The following FAM193B variants were observed in gnomAD, a reference collection of about 807,000 sequenced individuals.
FAM193B encodes the protein family with sequence similarity 193 member B.
In FAM193B, 27 loss-of-function variants were observed where a neutral mutation model predicts 70.7. The ratio of observed to expected loss-of-function variants is 0.38; its 90% CI spans 0.28 to 0.53. The LOEUF is 0.53. FAM193B is among the 20% of genes least tolerant of loss of function. FAM193B has a pLI of 0.81. For missense variants in FAM193B, 1,022 were observed against 1,072.5 expected, an observed-to-expected ratio of 0.95 and a Z score of 0.66; for synonymous variants, 448 against 436.0, an observed-to-expected ratio of 1.03 and a Z score of -0.34.
At chr5:177,540,254 C>G (rs1764686973) in intron 1 of FAM193B, among the ~76,000 whole-genome samples, 1 of 150,042 alleles carries the variant, frequency 6.7e-6, no homozygotes. Context: ...TTGCAGTGAG[C>G]CAAGATCGCG....
chr5:177,537,771 A>T, intron 3 of FAM193B, 102 bp downstream of exon 3: 1 of 1,430,652 alleles, frequency 7.0e-7, no homozygotes, highest in Non-Finnish European at 9.2e-7. Context: ...ACTTTTACTT[A>T]TTTTAGTAAC....
Position 177,535,074 on chromosome 5 carries a change from T to C in FAM193B, c.1076+1284A>G, listed in dbSNP as rs1764016599. On this transcript the variant is annotated intron_variant, in intron 4 of 8. Coordinates refer to ENST00000514747, the MANE Select transcript of FAM193B (RefSeq NM_001190946.3). The stretch of plus-strand genomic sequence containing the variant: ...GAACAAAAAACACCTAAACAGCCTT[T>C]AACTAGTAACTTTTTTCATTCTGAG... Among the ~76,000 whole-genome samples the C allele has an allele frequency of 2.6e-5, 4 of 152,354 alleles. No individual in the cohort carries two copies. In the South Asian group the frequency reaches 8.3e-4, roughly 32 times the overall value.
At chr5:177,524,084 T>C in intron 6 of FAM193B, 52 bp from the exon 7 acceptor site, 1 of 1,613,118 alleles carries the variant, frequency 6.2e-7, no homozygotes. Context: ...GCCTTTGGGG[T>C]TATGCTCTGG....
In FAM193B at chr5:177,536,959, G is replaced by A. The variant is rs557696835; in HGVS notation, c.689-214C>T. ...GCCCAAGCAAGAAGGTACTAGGAATGCTGATTCCACACAAGGCCCCATGCC... is the reference window on the plus strand; with the variant it reads ...GCCCAAGCAAGAAGGTACTAGGAATACTGATTCCACACAAGGCCCCATGCC... On this transcript the variant is annotated intron_variant, in intron 3 of 8. Coordinates refer to ENST00000514747, the MANE Select transcript of FAM193B (RefSeq NM_001190946.3). Among the ~76,000 whole-genome samples the A allele has an allele frequency of 2.6e-5, 4 of 152,316 alleles. No homozygotes were observed. In the South Asian group the frequency reaches 8.3e-4, roughly 32 times the overall value.
At position 177,536,622 on chromosome 5, in the gene FAM193B, G is replaced by T; in HGVS notation, c.812C>A (p.Ser271Tyr). 1.3e-6 allele frequency: 2 copies of T among 1,557,014 alleles called. No individual in the cohort carries two copies. Among genetic ancestry groups the T allele is most frequent in the Non-Finnish European group, 8.6e-7 (1 of 1,159,242 alleles). ...LIPSHPSSFG[S>Y]PPHPHLLPTT... is the part of the protein sequence containing the mutation. ...GGGCAGCAGGTGTGGGTGGGGTGGG[G>T]AGCCAAAGGAGCTGGGGTGAGACGG... The change falls in exon 4 of 9, where the codon TCC becomes TAC. Residue 271 changes from serine (S) to tyrosine (Y), a missense_variant. Transcript: ENST00000514747.
rs1762393791 is a variant in FAM193B at position 177,525,163 on chromosome 5, C to T, written c.1318G>A (p.Ala440Thr). Residue 440 changes from alanine to threonine, a missense_variant, in exon 6 of 9, where the codon GCA becomes ACA. Transcript: ENST00000514747. ...TCCCGGCTTCCAGAAACACGATTTG[C>T]CTGCTTTAGAGCTTCTGCTGCCAAC... ...AQLAAEALKQ[A>T]NRVSGSREPR... The T allele has an allele frequency of 1.3e-6, 2 of 1,511,824 alleles. No homozygotes were observed. The highest frequency in any genetic ancestry group is 2.3e-5 in the Admixed American group (1 of 43,832). The allele number at this position is 1,511,824 out of a possible 1,614,324, so 93.7% of individuals were successfully genotyped here. A position where few individuals can be genotyped will look rare whatever the true frequency, so the allele number is the denominator to read the frequency against.
chr5:177,550,662 A>G (rs991931541), intron 1 of FAM193B, among the ~76,000 whole-genome samples: 5 of 152,126 alleles, frequency 3.3e-5, no homozygotes, highest in Non-Finnish European at 7.4e-5. Flanking sequence ...TTGAGTGTAC[A>G]CTGGATTACA....
Position 177,532,485 on chromosome 5 carries a change from C to A in FAM193B, c.1233G>T (p.Lys411Asn), listed in dbSNP as rs1255131739. The A allele has an allele frequency of 6.2e-7, 1 of 1,611,946 alleles. No individual in the cohort carries two copies. Among genetic ancestry groups the A allele is most frequent in the Admixed American group, 1.7e-5 (1 of 59,742 alleles). The change falls in exon 5 of 9, where the codon AAG (lysine) becomes AAT (asparagine). Residue 411 changes from lysine to asparagine, a missense_variant. Physicochemically the swap from Lys to Asn is moderately conservative, Grantham distance 94. Transcript: ENST00000514747. The surrounding 1 kb of genome is among the most constrained non-coding windows in gnomAD (Gnocchi z 4.9). ...TSSSTHQRDG[K>N]FCDCCYCEFF... The stretch of plus-strand genomic sequence containing the variant: ...ACTCACAGTAGCAGCAGTCACAGAA[C>A]TTCCCATCTCTCTGGTGGGTGGAGG...
At chr5:177,528,520 C>G (rs1044720801) in intron 5 of FAM193B, among the ~76,000 whole-genome samples, 7 of 152,148 alleles carry the variant, frequency 4.6e-5, no homozygotes, top group Non-Finnish European at 7.3e-5. Flanking sequence ...GAGCCTGCTG[C>G]TGGGCTGAGG....
chr5:177,536,802 A>T, intron 3 of FAM193B, 57 bp from the exon 4 acceptor site: 2 of 1,530,218 alleles, frequency 1.3e-6, no homozygotes, highest in Non-Finnish European at 1.8e-6. Context: ...TGGGAAGGAA[A>T]GCCCACAGGC....
chr5:177,552,321 G>T (rs1003541028), intron 1 of FAM193B, among the ~76,000 whole-genome samples: 8 of 152,190 alleles, frequency 5.3e-5, no homozygotes, highest in Admixed American at 2.6e-4. Context: ...ATACAGGTGA[G>T]GTGGGAAGAT....
intron 1 of FAM193B, chr5:177,553,611 T>C: frequency 8.2e-7 from 1 of 1,215,730 alleles, no homozygotes; most frequent in Non-Finnish European, 1.1e-6. Flanking sequence ...ACCTGGGATC[T>C]CAAGGTCGGG....
intron 1 of FAM193B, chr5:177,551,974 C>T (rs1766312806): frequency 1.0e-6 from 1 of 958,252 alleles, no homozygotes; most frequent in African/African-American, 1.8e-5. Context: ...CCGAATTTAC[C>T]AGTTTGTTTC....
chr5:177,551,966 G>A (rs75192957), intron 1 of FAM193B: 49,691 of 947,232 alleles, frequency 0.052, 1,496 homozygotes, highest in East Asian at 0.18. Flanking sequence ...AACTAGAACC[G>A]AATTTACCAG....
At chr5:177,525,886 C>G (rs1762518672) in intron 5 of FAM193B, among the ~76,000 whole-genome samples, 1 of 152,244 alleles carries the variant, frequency 6.6e-6, no homozygotes, top group Non-Finnish European at 1.5e-5. Context: ...AGATCTGGAT[C>G]TAGGGAATCA....
chr5:177,554,091 TTC>T (rs764262884), intron 1 of FAM193B, 156 bp downstream of exon 1: 1 of 1,386,506 alleles, frequency 7.2e-7, no homozygotes, highest in South Asian at 1.5e-5. Context: ...CCAGCCTCCA[TTC>T]CCGCCCCGGG....
At chr5:177,526,527 G>C (rs972094489) in intron 5 of FAM193B, among the ~76,000 whole-genome samples, 2 of 151,966 alleles carry the variant, frequency 1.3e-5, no homozygotes, top group South Asian at 4.1e-4. Flanking sequence ...GAAAAGTTTG[G>C]CTGCTAAAAA....
At chr5:177,554,174 C>A (rs1442417978) in intron 1 of FAM193B, 75 bp downstream of exon 1, 1 of 1,461,860 alleles carries the variant, frequency 6.8e-7, no homozygotes, top group Non-Finnish European at 9.0e-7. Flanking sequence ...CCATCCCCAA[C>A]CCCGCCCCAC....
intron 4 of FAM193B, among the ~76,000 whole-genome samples, chr5:177,533,327 C>T (rs1418525795): frequency 1.4e-5 from 2 of 147,986 alleles, no homozygotes; most frequent in African/African-American, 2.5e-5. Flanking sequence ...TTTTTTGAGA[C>T]GGAGTCTTGC....
Sources: allele counts gnomAD v4.1 joint callset (sites outside exome capture counted in the v4.1 genomes callset), GRCh38; gene constraint gnomAD v4.1.1; non-coding constraint Gnocchi (gnomAD v3.1); transcripts MANE v1.5; gene names NCBI Gene and HGNC (gene_info 2026-07-23, HGNC 2026-07-21).